Variants in RDX observed in about 807,000 individuals in gnomAD.
RDX encodes the protein radixin.
RDX carries 32 observed loss-of-function variants against 83.7 expected under a neutral mutation model. That is an observed-to-expected ratio of 0.38 (90% confidence interval 0.29 to 0.51). RDX has a LOEUF of 0.51. RDX is among the 20% of genes least tolerant of loss of function. RDX has a pLI of 0.87. For synonymous variants in RDX, 229 were observed against 222.7 expected (o/e 1.03, Z -0.25); for missense variants, 600 against 689.9 (o/e 0.87, Z 1.46).
downstream of RDX, among the ~76,000 whole-genome samples, chr11:110,227,251 CAT>C (rs568778067): frequency 1.0e-3 from 155 of 151,948 alleles, 1 homozygote; most frequent in African/African-American, 3.4e-3. Flanking sequence ...ATAATAAATC[CAT>C]GTTTTATCAA....
intron 3 of RDX, among the ~76,000 whole-genome samples, chr11:110,266,702 G>A (rs1860063427): frequency 6.6e-6 from 1 of 151,952 alleles, no homozygotes; most frequent in African/African-American, 2.4e-5. Flanking sequence ...TGAATGGCTG[G>A]GACTAGAGGC....
intron 10 of RDX, 55 bp downstream of exon 10, chr11:110,247,648 T>A: frequency 1.3e-6 from 2 of 1,579,418 alleles, no homozygotes; most frequent in Non-Finnish European, 1.7e-6. Context: ...AATACCACTA[T>A]CTGACAACAG....
intron 15 of RDX, chr11:110,195,766 C>G (rs1312573204): frequency 6.6e-6 from 1 of 152,158 alleles, no homozygotes; most frequent in African/African-American, 2.4e-5. Context: ...GAAATCCTGT[C>G]CATAGATTCT....
At chr11:110,208,732 G>A (rs904502442) in intron 14 of RDX, among the ~76,000 whole-genome samples, 7 of 152,114 alleles carry the variant, frequency 4.6e-5, no homozygotes, top group South Asian at 2.1e-4. Flanking sequence ...GCTGTCAGGC[G>A]GATCACTTGA....
chr11:110,275,560 C>T (rs1181778667), intron 2 of RDX, among the ~76,000 whole-genome samples: 5 of 152,076 alleles, frequency 3.3e-5, no homozygotes, highest in Non-Finnish European at 5.9e-5. Flanking sequence ...TTCACGCATA[C>T]GGCTTATTTT....
At chr11:110,197,216 T>C (rs1389400639) in intron 15 of RDX, among the ~76,000 whole-genome samples, 1 of 151,394 alleles carries the variant, frequency 6.6e-6, no homozygotes, top group Admixed American at 6.6e-5. Context: ...TGGCTTTAGA[T>C]GTCACGTTTA....
At chr11:110,248,493 T>C (rs1269264699) in intron 9 of RDX, among the ~76,000 whole-genome samples, 1 of 152,146 alleles carries the variant, frequency 6.6e-6, no homozygotes, top group African/African-American at 2.4e-5. Context: ...ATTAAAAACT[T>C]AGACATTTAG....
intron 15 of RDX, chr11:110,199,552 C>T (rs887089169): frequency 3.4e-5 from 24 of 702,138 alleles, no homozygotes; most frequent in Non-Finnish European, 6.0e-5. Flanking sequence ...GGTGAGCTGG[C>T]CCTGGCCACG....
chr11:110,264,166 T>G lies in RDX; in HGVS notation c.261A>C (p.Glu87Asp). The part of the protein sequence containing the change: ...QFKFRAKFFP[E>D]DVSEELIQEI... ...CTTGAATTAATTCCTCAGAAACATC[T>G]TCAGGAAAGAATTTAGCTCTAAACT... The change falls in exon 5 of 14, where the codon GAA becomes GAC. Residue 87 changes from glutamate to aspartate, a missense_variant. Transcript: ENST00000645495. The G allele has an allele frequency of 6.2e-7, 1 of 1,611,404 alleles. No individual in the cohort carries two copies. The highest frequency in any genetic ancestry group is 8.5e-7 in the Non-Finnish European group (1 of 1,177,622).
intron 10 of RDX, among the ~76,000 whole-genome samples, chr11:110,244,152 ATGAGTT>A (rs1865209219): frequency 6.6e-6 from 1 of 152,054 alleles, no homozygotes; most frequent in Non-Finnish European, 1.5e-5. Flanking sequence ...TATCCATAAA[ATGAGTT>A]TGAGACCAGC....
chr11:110,226,821 G>A (rs922155137), downstream of RDX, among the ~76,000 whole-genome samples: 15 of 152,082 alleles, frequency 9.9e-5, no homozygotes, highest in Non-Finnish European at 1.8e-4. Flanking sequence ...ATTAACTGGT[G>A]TTTAAAATTT....
chr11:110,291,442 G>T (rs1861237762), intron 1 of RDX, among the ~76,000 whole-genome samples: 1 of 152,198 alleles, frequency 6.6e-6, no homozygotes, highest in African/African-American at 2.4e-5. Context: ...CATTACCCTT[G>T]CCAGTTGACT....
At chr11:110,225,163 A>C (rs913944623), downstream of RDX, among the ~76,000 whole-genome samples, 1 of 152,200 alleles carries the variant, frequency 6.6e-6, no homozygotes. Context: ...TTTTTGTAAC[A>C]CCTTCTTCAT....
At position 110,293,751 on chromosome 11, in the gene RDX, T is replaced by A. The variant is rs138059316; in HGVS notation, c.-65+2716A>T. Reference sequence around the variant, plus strand: ...CCACCCAACAGTGACTTGCTTGACTTCCCCGATGCACAGAAGTAACACGAA... The same window carrying A: ...CCACCCAACAGTGACTTGCTTGACTACCCCGATGCACAGAAGTAACACGAA... On this transcript the variant is annotated intron_variant, in intron 1 of 13. Transcript: ENST00000645495. Among the ~76,000 whole-genome samples, 7 of 152,238 alleles carry A rather than the reference T, an allele frequency of 4.6e-5. No individual in the cohort carries two copies. In the East Asian group the frequency reaches 9.6e-4, roughly 21 times the overall value.
chr11:110,226,486 G>A (rs1407510534), downstream of RDX, among the ~76,000 whole-genome samples: 2 of 152,114 alleles, frequency 1.3e-5, no homozygotes, highest in Non-Finnish European at 2.9e-5. Context: ...AGGGGGAATG[G>A]GGCATTACCA....
chr11:110,185,616 CG>C (rs1378576559), intron 15 of RDX: 5 of 152,322 alleles, frequency 3.3e-5, no homozygotes, highest in African/African-American at 9.6e-5. Context: ...GTGAGAACCA[CG>C]GGCTAAATCC....
intron 15 of RDX, among the ~76,000 whole-genome samples, chr11:110,196,786 T>G (rs554269277): frequency 6.6e-6 from 1 of 152,316 alleles, no homozygotes; most frequent in South Asian, 2.1e-4. Context: ...CCCATGACTC[T>G]AAATACACCA....
Position 110,255,344 on chromosome 11 carries a change from T to C in RDX, c.740A>G (p.Asn247Ser), listed in dbSNP as rs1859498549. 2 of 1,594,718 alleles carry C rather than the reference T, an allele frequency of 1.3e-6. No individual in the cohort carries two copies. Among genetic ancestry groups the C allele is most frequent in the African/African-American group, 1.3e-5 (1 of 74,532 alleles). ...KIGFPWSEIRNISFNDKKFVI... is the reference protein window; with the variant it reads ...KIGFPWSEIRSISFNDKKFVI... The stretch of plus-strand genomic sequence containing the variant: ...AAATTTTTTGTCATTAAATGAAATA[T>C]TTCTGATTTCACTCCAGGGAAAACC... The change falls in exon 8 of 14, where the codon AAT becomes AGT. Residue 247 changes from asparagine (N) to serine (S), a missense_variant. Physicochemically the swap from Asn to Ser is conservative, Grantham distance 46. Transcript: ENST00000645495.
intron 14 of RDX, among the ~76,000 whole-genome samples, chr11:110,209,142 G>A (rs564126543): frequency 1.6e-4 from 25 of 152,312 alleles, no homozygotes; most frequent in South Asian, 4.1e-4. Flanking sequence ...CACCGTGCGC[G>A]AGCTGAAGCA....
Sources: gnomAD v4.1 joint callset for allele counts (sites outside exome capture counted in the v4.1 genomes callset) on GRCh38, gnomAD v4.1.1 for gene constraint, MANE v1.5 for transcripts, NCBI Gene and HGNC (gene_info 2026-07-23, HGNC 2026-07-21) for gene names.